The following GPR158 variants were observed in gnomAD, a reference collection of about 807,000 sequenced individuals.
GPR158 encodes G protein-coupled receptor 158, also known as metabotropic glycine receptor.
GPR158 carries 30 observed loss-of-function variants against 78.2 expected under a neutral mutation model. The observed-to-expected ratio is 0.38, with a 90% CI of 0.29 to 0.52. GPR158 has a LOEUF of 0.52. Ranked by LOEUF, GPR158 falls within the 20% of genes least tolerant of loss-of-function variation. The pLI is 0.83. For synonymous variants in GPR158, 581 were observed against 591.1 expected, an observed-to-expected ratio of 0.98 and a Z score of 0.25; for missense variants, 1,463 against 1,523.5, an observed-to-expected ratio of 0.96 and a Z score of 0.66.
intron 2 of GPR158, among the ~76,000 whole-genome samples, chr10:25,274,372 T>C (rs1283505835): frequency 6.6e-6 from 1 of 152,184 alleles, no homozygotes; most frequent in African/African-American, 2.4e-5. Flanking sequence ...TGTCTTCAAA[T>C]AGAAATAATA....
At chr10:25,304,868 C>A (rs992677230) in intron 2 of GPR158, among the ~76,000 whole-genome samples, 1 of 152,124 alleles carries the variant, frequency 6.6e-6, no homozygotes, top group Non-Finnish European at 1.5e-5. Context: ...GTAATACAAT[C>A]CAGTTATTTT....
intron 4 of GPR158, among the ~76,000 whole-genome samples, chr10:25,465,508 T>C (rs1445622060): frequency 6.6e-6 from 1 of 152,242 alleles, no homozygotes; most frequent in Non-Finnish European, 1.5e-5. Flanking sequence ...GGTTATTAGA[T>C]ATATTCATGC....
chr10:25,177,534 G>T (rs1852555461), intron 1 of GPR158, among the ~76,000 whole-genome samples: 1 of 152,154 alleles, frequency 6.6e-6, no homozygotes, highest in Admixed American at 6.5e-5. Flanking sequence ...GCTGAAAGAT[G>T]CCAGATCAAG....
chr10:25,539,924 C>G (rs945768595), intron 5 of GPR158, among the ~76,000 whole-genome samples: 15 of 152,232 alleles, frequency 9.9e-5, no homozygotes, highest in African/African-American at 3.6e-4. Flanking sequence ...AAGCACATCT[C>G]TTGCCAAATA....
chr10:25,277,478 G>T (rs1458140084), intron 2 of GPR158, among the ~76,000 whole-genome samples: 5 of 151,972 alleles, frequency 3.3e-5, no homozygotes, highest in African/African-American at 1.2e-4. Context: ...AAAAGAGAGA[G>T]AGAGAGAGAG....
chr10:25,217,193 T>C (rs1177542198), intron 1 of GPR158, among the ~76,000 whole-genome samples: 1 of 152,224 alleles, frequency 6.6e-6, no homozygotes, highest in Non-Finnish European at 1.5e-5. Context: ...GGTCTCTTTC[T>C]GGTATAATGT....
At chr10:25,235,019 G>A (rs977415711) in intron 2 of GPR158, among the ~76,000 whole-genome samples, 2 of 152,042 alleles carry the variant, frequency 1.3e-5, no homozygotes, top group African/African-American at 4.8e-5. Flanking sequence ...TTTTCACAGG[G>A]TTCTCTTTAA....
chr10:25,440,651 A>G (rs1035948801), intron 4 of GPR158, among the ~76,000 whole-genome samples: 2 of 152,198 alleles, frequency 1.3e-5, no homozygotes, highest in Non-Finnish European at 2.9e-5. Context: ...TATTAATCGC[A>G]AAGTGAAATC....
intron 4 of GPR158, among the ~76,000 whole-genome samples, chr10:25,430,457 A>T (rs895743473): frequency 4.7e-4 from 70 of 149,364 alleles, no homozygotes; most frequent in Admixed American, 1.1e-3. Flanking sequence ...TACAGATTCA[A>T]TGCCATCCCC....
intron 2 of GPR158, among the ~76,000 whole-genome samples, chr10:25,324,831 C>CTTTT (rs34746907): frequency 3.3e-4 from 42 of 125,378 alleles, no homozygotes; most frequent in African/African-American, 7.7e-4. Flanking sequence ...TTTTTTCTTT[C>CTTTT]TTTTTTTTTT....
At chr10:25,199,166 A>G (rs1852886866) in intron 1 of GPR158, among the ~76,000 whole-genome samples, 1 of 150,378 alleles carries the variant, frequency 6.6e-6, no homozygotes, top group Admixed American at 6.7e-5. Context: ...TCATGGTTAC[A>G]TGTACAGGTC....
intron 3 of GPR158, among the ~76,000 whole-genome samples, chr10:25,401,750 T>A (rs986150755): frequency 3.3e-5 from 5 of 152,112 alleles, no homozygotes; most frequent in South Asian, 2.1e-4. Context: ...GTAGGAAGAA[T>A]GTCTGAAACT....
intron 2 of GPR158, among the ~76,000 whole-genome samples, chr10:25,257,584 G>A (rs978908361): frequency 6.6e-6 from 1 of 152,182 alleles, no homozygotes; most frequent in African/African-American, 2.4e-5. Context: ...AAGAAATAAA[G>A]TATATGTGCT....
At chr10:25,236,208 C>T (rs1188103023) in intron 2 of GPR158, among the ~76,000 whole-genome samples, 2 of 152,164 alleles carry the variant, frequency 1.3e-5, no homozygotes, top group East Asian at 3.9e-4. Flanking sequence ...AGTTTGCTTT[C>T]AAAAATCTAA....
At chr10:25,537,141 A>G (rs1836512089) in intron 5 of GPR158, among the ~76,000 whole-genome samples, 1 of 152,238 alleles carries the variant, frequency 6.6e-6, no homozygotes, top group African/African-American at 2.4e-5. Context: ...TAGTTGTGTA[A>G]TGCACAGACT....
At chr10:25,264,791 C>T (rs1003355379) in intron 2 of GPR158, among the ~76,000 whole-genome samples, 3 of 152,274 alleles carry the variant, frequency 2.0e-5, no homozygotes, top group Admixed American at 6.5e-5. Context: ...GTTATTGAAA[C>T]TTGTCACAGT....
intron 2 of GPR158, among the ~76,000 whole-genome samples, chr10:25,314,623 C>T (rs1232613818): frequency 6.7e-6 from 1 of 149,498 alleles, no homozygotes; most frequent in Non-Finnish European, 1.5e-5. Context: ...ATTTCCTTCA[C>T]TTTGTTTCTT....
chr10:25,498,043 G>C (rs1276279057), intron 5 of GPR158, among the ~76,000 whole-genome samples: 1 of 152,282 alleles, frequency 6.6e-6, no homozygotes. Context: ...GAAAGTATGA[G>C]GAGCAGAAAG....
In GPR158 at chr10:25,589,118, T is replaced by C; in HGVS notation, c.1865T>C (p.Ile622Thr). The change falls in exon 8 of 11, where the codon ATC becomes ACC. Residue 622 changes from isoleucine (I) to threonine (T), a missense_variant. By Grantham distance (89) the Ile-to-Thr change is moderately conservative (BLOSUM62 -1). Coordinates refer to ENST00000376351, the MANE Select transcript of GPR158 (RefSeq NM_020752.3). ...YMAVAVHNEL[I>T]ISAIFHTIRF... ...GCTGTTGCAGTTCACAATGAGCTCA[T>C]CATCTCTGCTATATTCCATACAATT... The C allele has an allele frequency of 1.2e-6, 2 of 1,612,164 alleles. No homozygotes were observed. Among genetic ancestry groups the C allele is most frequent in the Non-Finnish European group, 1.7e-6 (2 of 1,178,564 alleles).
Sources: allele counts gnomAD v4.1 joint callset (sites outside exome capture counted in the v4.1 genomes callset), GRCh38; gene constraint gnomAD v4.1.1; transcripts MANE v1.5; gene names NCBI Gene and HGNC (gene_info 2026-07-23, HGNC 2026-07-21).